Variants in XRN2 observed in about 807,000 individuals in gnomAD.
XRN2 encodes the protein DHM1-like protein.
A neutral mutation model predicts 138.5 loss-of-function variants in XRN2; 44 were observed. The observed-to-expected ratio is 0.32, with a 90% confidence interval of 0.25 to 0.41. The LOEUF (loss-of-function observed/expected upper bound fraction) is 0.41, where lower values mean the gene tolerates loss of function less well. XRN2 is among the 10% of genes least tolerant of loss of function. The pLI is 1.00. For missense variants in XRN2, 937 were observed against 1,169.3 expected (o/e 0.80, Z 2.90); for synonymous variants, 354 against 369.4 (o/e 0.96, Z 0.48).
At chr20:21,322,903 C>T (rs2038066173) in intron 1 of XRN2, among the ~76,000 whole-genome samples, 1 of 152,192 alleles carries the variant, frequency 6.6e-6, no homozygotes, top group African/African-American at 2.4e-5. Flanking sequence ...GGTAGGGGTG[C>T]TCTCTGTTCC....
chr20:21,320,256 A>G (rs1398364399), intron 1 of XRN2, among the ~76,000 whole-genome samples: 1 of 103,226 alleles, frequency 9.7e-6, no homozygotes, highest in Non-Finnish European at 2.2e-5. Flanking sequence ...CCCACTACCT[A>G]TTGGCATCAT....
Position 21,365,583 on chromosome 20 carries a change from G to A in XRN2, c.2335G>A (p.Ala779Thr). 6.2e-7 allele frequency: 1 copy of A among 1,613,304 alleles called. No individual in the cohort carries two copies. The highest frequency in any genetic ancestry group is 8.5e-7 in the Non-Finnish European group (1 of 1,179,940). ...TTTTTAAATGGTCAGAAAGCCAGCA[G>A]CAGTACTGAAACCTAGTGACTGGGA... ...VMLPGARKPA[A>T]VLKPSDWEKS... The change falls in exon 26 of 30, where the codon GCA becomes ACA. Residue 779 changes from alanine to threonine, a missense_variant. Physicochemically the swap from Ala to Thr is moderately conservative, Grantham distance 58. Transcript: ENST00000377191.
intron 16 of XRN2, among the ~76,000 whole-genome samples, chr20:21,346,051 T>C (rs2038431774): frequency 6.6e-6 from 1 of 152,250 alleles, no homozygotes; most frequent in Non-Finnish European, 1.5e-5. Context: ...CTATTTAAAA[T>C]ATCTTCAATA....
At chr20:21,386,794 G>T in intron 28 of XRN2, 74 bp from the exon 29 acceptor site, 2 of 1,533,216 alleles carry the variant, frequency 1.3e-6, no homozygotes, top group South Asian at 1.2e-5. Flanking sequence ...ATTTGGAGAT[G>T]ATACCTGCCG....
intron 13 of XRN2, among the ~76,000 whole-genome samples, chr20:21,336,322 C>A (rs192512697): frequency 6.6e-6 from 1 of 151,946 alleles, no homozygotes; most frequent in African/African-American, 2.4e-5. Flanking sequence ...TTAAGCTGGG[C>A]GTGGTGGTGG....
chr20:21,375,364 G>A (rs1013869961), intron 27 of XRN2, among the ~76,000 whole-genome samples: 1 of 151,150 alleles, frequency 6.6e-6, no homozygotes, highest in Non-Finnish European at 1.5e-5. Flanking sequence ...GATTAAATTG[G>A]CATTCTTTTT....
Position 21,326,200 on chromosome 20 carries a change from A to G in XRN2, c.76-79A>G, listed in dbSNP as rs976824143. 9.2e-6 allele frequency: 13 copies of G among 1,414,910 alleles called. No homozygotes were observed. The African/African-American group carries it at 1.7e-4, about 19-fold the overall frequency. The allele number at this position is 1,414,910 out of a possible 1,614,324, so 87.6% of individuals were successfully genotyped here. ...TTTATTTCCAGTTCAGAAATGAAACACAAGTTCATATTGAGCCTAGGATCT... is the reference window on the plus strand; with the variant it reads ...TTTATTTCCAGTTCAGAAATGAAACGCAAGTTCATATTGAGCCTAGGATCT... On this transcript the variant is annotated intron_variant, in intron 1 of 29. Transcript: ENST00000377191.
intron 23 of XRN2, among the ~76,000 whole-genome samples, chr20:21,357,164 T>G (rs948782518): frequency 6.6e-6 from 1 of 152,184 alleles, no homozygotes; most frequent in African/African-American, 2.4e-5. Flanking sequence ...TAAAAATTTC[T>G]TAGTCATAAT....
At chr20:21,334,640 A>C (rs1030857667) in intron 13 of XRN2, among the ~76,000 whole-genome samples, 1 of 152,206 alleles carries the variant, frequency 6.6e-6, no homozygotes, top group Non-Finnish European at 1.5e-5. Context: ...AATCTCTTAA[A>C]AAATTGAAAC....
intron 23 of XRN2, among the ~76,000 whole-genome samples, chr20:21,357,211 A>G (rs1027697409): frequency 4.6e-5 from 7 of 152,212 alleles, no homozygotes; most frequent in Admixed American, 6.5e-5. Flanking sequence ...TAACCACTAT[A>G]AACAAAAGCC....
At chr20:21,362,294 T>TA (rs1321243676) in intron 24 of XRN2, among the ~76,000 whole-genome samples, 1 of 152,214 alleles carries the variant, frequency 6.6e-6, no homozygotes, top group Non-Finnish European at 1.5e-5. Flanking sequence ...AATCTCTTGT[T>TA]ATAACCATTC....
intron 1 of XRN2, among the ~76,000 whole-genome samples, chr20:21,320,235 T>C (rs1318998842): frequency 2.0e-5 from 3 of 151,974 alleles, no homozygotes; most frequent in African/African-American, 7.2e-5. Context: ...CTTTACTGCT[T>C]TTTATGTTAT....
At chr20:21,323,213 A>G (rs192836070) in intron 1 of XRN2, among the ~76,000 whole-genome samples, 14 of 152,310 alleles carry the variant, frequency 9.2e-5, no homozygotes, top group African/African-American at 3.1e-4. Context: ...AGTTAGGGCT[A>G]TTGGTTGCCC....
Position 21,334,308 on chromosome 20 carries a change from G to A in XRN2, c.1233+123G>A, listed in dbSNP as rs977996441. 2.4e-5 allele frequency: 18 copies of A among 747,666 alleles called. No homozygotes were observed. In the African/African-American group the frequency reaches 3.2e-4, roughly 13 times the overall value. 46.3% of individuals were successfully genotyped at this position (747,666 alleles called of 1,614,324 possible). ...ATCATTATGGTGTGTCAACACTAAT[G>A]TAATCATGAGTGGTCAGTGCTTTGA... is the stretch of plus-strand genomic sequence containing the variant. On this transcript the variant is annotated intron_variant, in intron 13 of 29. Transcript: ENST00000377191.
intron 20 of XRN2, among the ~76,000 whole-genome samples, chr20:21,351,044 A>G (rs1226671532): frequency 6.6e-6 from 1 of 152,186 alleles, no homozygotes; most frequent in Non-Finnish European, 1.5e-5. Flanking sequence ...AGAAGCAAAT[A>G]TATTTTTGTG....
chr20:21,389,731 T>C lies in XRN2; in HGVS notation c.*393T>C, dbSNP rs1284055261. 1.3e-5 allele frequency: 2 copies of C among 154,866 alleles called. No homozygotes were observed. The highest frequency in any genetic ancestry group is 4.8e-5 in the African/African-American group (2 of 41,578). 9.6% of individuals were successfully genotyped at this position (154,866 alleles called of 1,614,324 possible). ...CCTCAGCAAACTAGAGTATATATTGTTCAGTATTTCTTTGGAAACATTTCA... is the reference window on the plus strand; with the variant it reads ...CCTCAGCAAACTAGAGTATATATTGCTCAGTATTTCTTTGGAAACATTTCA... On this transcript the variant is annotated 3_prime_UTR_variant, in exon 30 of 30. Coordinates refer to ENST00000377191, the MANE Select transcript of XRN2 (RefSeq NM_012255.5).
intron 28 of XRN2, among the ~76,000 whole-genome samples, chr20:21,383,305 C>T (rs1177744721): frequency 6.6e-6 from 1 of 152,104 alleles, no homozygotes; most frequent in Non-Finnish European, 1.5e-5. Context: ...GTAAATTTTT[C>T]CTAAATTATA....
chr20:21,320,295 G>GTATTTATTTATTTATT (rs1464861300), intron 1 of XRN2, among the ~76,000 whole-genome samples: 19 of 148,116 alleles, frequency 1.3e-4, no homozygotes, highest in Non-Finnish European at 1.9e-4. Context: ...ATTTATTTAT[G>GTATTTATTTATTTATT]TATTTATTTA....
intron 28 of XRN2, among the ~76,000 whole-genome samples, chr20:21,384,790 C>T (rs767006958): frequency 2.0e-5 from 3 of 152,146 alleles, no homozygotes; most frequent in Non-Finnish European, 4.4e-5. Flanking sequence ...CTGTGCCTGG[C>T]CTAATTGCTA....
Sources: allele counts gnomAD v4.1 joint callset (sites outside exome capture counted in the v4.1 genomes callset), GRCh38; gene constraint gnomAD v4.1.1; transcripts MANE v1.5; gene names NCBI Gene and HGNC (gene_info 2026-07-23, HGNC 2026-07-21).